The following ERBB4 variants were observed in gnomAD, a reference collection of about 807,000 sequenced individuals.
The protein encoded by ERBB4 is erb-b2 receptor tyrosine kinase 4, also known as receptor tyrosine-protein kinase erbB-4.
In ERBB4, 42 loss-of-function variants were observed where a neutral mutation model predicts 158.0. The ratio of observed to expected loss-of-function variants is 0.27; its 90% CI spans 0.21 to 0.34. The LOEUF (loss-of-function observed/expected upper bound fraction) is 0.34. Among genes scored for constraint, ERBB4 ranks in the 10% least tolerant of loss-of-function variants. The pLI is 1.00. For synonymous variants in ERBB4, 583 were observed against 558.7 expected (o/e 1.04, Z -0.61); for missense variants, 1,333 against 1,624.1 (o/e 0.82, Z 3.08).
chr2:212,373,133 T>G (rs2090145283), intron 1 of ERBB4, among the ~76,000 whole-genome samples: 1 of 152,206 alleles, frequency 6.6e-6, no homozygotes, highest in Non-Finnish European at 1.5e-5. Context: ...ATATCTCAGA[T>G]TCTCTGTAAA....
intron 3 of ERBB4, among the ~76,000 whole-genome samples, chr2:211,902,674 TCTCAAAA>T (rs2079268468): frequency 6.6e-6 from 1 of 151,714 alleles, no homozygotes. Context: ...GTTAATAAAG[TCTCAAAA>T]TTGAGTAATT....
intron 2 of ERBB4, among the ~76,000 whole-genome samples, chr2:212,063,348 TG>T (rs2077838714): frequency 6.6e-6 from 1 of 152,130 alleles, no homozygotes; most frequent in Non-Finnish European, 1.5e-5. Context: ...TAAACTCACC[TG>T]TATGATATTT....
chr2:212,413,681 CA>C (rs1170275971), intron 1 of ERBB4, among the ~76,000 whole-genome samples: 1 of 152,046 alleles, frequency 6.6e-6, no homozygotes, highest in Admixed American at 6.6e-5. Context: ...AATCATTATT[CA>C]GTTCATGTTT....
rs558131935 is a variant in ERBB4 at position 212,133,397 on chromosome 2, T to G, written c.83-8494A>C. ...GTTCTGCTTTCTTTTCATTTTGGTGTTTTTTTTTTGTTTTGTTTTGTTTTT... is the reference window on the plus strand; with the variant it reads ...GTTCTGCTTTCTTTTCATTTTGGTGGTTTTTTTTTGTTTTGTTTTGTTTTT... On this transcript the variant is annotated intron_variant, in intron 1 of 27. Coordinates refer to ENST00000342788, the MANE Select transcript of ERBB4 (RefSeq NM_005235.3). 9.9e-4 allele frequency among the ~76,000 whole-genome samples: 53 copies of G among 53,464 alleles called. 1 individual carries two copies. The South Asian group carries it at 0.019, about 19-fold the overall frequency. 35.1% of individuals were successfully genotyped at this position (53,464 alleles called of 152,430 possible). A position where few individuals can be genotyped will look rare whatever the true frequency, so the allele number is the denominator to read the frequency against.
At chr2:211,459,304 G>T (rs950178314) in intron 20 of ERBB4, among the ~76,000 whole-genome samples, 1 of 152,166 alleles carries the variant, frequency 6.6e-6, no homozygotes, top group African/African-American at 2.4e-5. Flanking sequence ...CTTCTATGGG[G>T]ACACTTTCTC....
At chr2:211,559,277 G>A (rs531712551) in intron 20 of ERBB4, among the ~76,000 whole-genome samples, 7 of 151,846 alleles carry the variant, frequency 4.6e-5, no homozygotes, top group East Asian at 3.9e-4. Flanking sequence ...TTCTTATATC[G>A]CCTCAATCTA....
At chr2:211,413,074 T>C (rs1016749109) in intron 25 of ERBB4, among the ~76,000 whole-genome samples, 1 of 151,880 alleles carries the variant, frequency 6.6e-6, no homozygotes, top group African/African-American at 2.4e-5. Flanking sequence ...GGAGGGAGGA[T>C]TGCTTGAGGC....
At chr2:211,921,446 A>G (rs914390346) in intron 3 of ERBB4, among the ~76,000 whole-genome samples, 11 of 152,050 alleles carry the variant, frequency 7.2e-5, no homozygotes, top group Non-Finnish European at 1.5e-4. Flanking sequence ...AACAAAGCCA[A>G]AGATTACTCA....
intron 2 of ERBB4, among the ~76,000 whole-genome samples, chr2:212,076,236 T>G (rs1350327801): frequency 1.3e-5 from 2 of 151,880 alleles, no homozygotes; most frequent in African/African-American, 4.8e-5. Context: ...TTTAAAATAT[T>G]CTATATTTCG....
At chr2:211,434,388 T>C (rs1225046504) in intron 20 of ERBB4, among the ~76,000 whole-genome samples, 4 of 152,140 alleles carry the variant, frequency 2.6e-5, no homozygotes. Flanking sequence ...ATTAGCAAAC[T>C]TATAAAGAGA....
At chr2:211,881,965 A>G (rs1488597026) in intron 3 of ERBB4, among the ~76,000 whole-genome samples, 1 of 152,172 alleles carries the variant, frequency 6.6e-6, no homozygotes, top group Non-Finnish European at 1.5e-5. Context: ...GACCAAAGAA[A>G]GATAACATCG....
At chr2:212,343,782 T>G (rs1024437845) in intron 1 of ERBB4, among the ~76,000 whole-genome samples, 1 of 152,186 alleles carries the variant, frequency 6.6e-6, no homozygotes, top group East Asian at 1.9e-4. Context: ...ATTTCACTGG[T>G]TGACTAGGTT....
At chr2:211,761,966 G>A (rs2075427276) in intron 4 of ERBB4, among the ~76,000 whole-genome samples, 1 of 152,172 alleles carries the variant, frequency 6.6e-6, no homozygotes, top group Non-Finnish European at 1.5e-5. Context: ...TTACCTAAGA[G>A]TTGACTTTCT....
At chr2:212,126,313 AGCTGGGC>A (rs1474941480) in intron 1 of ERBB4, among the ~76,000 whole-genome samples, 1 of 152,150 alleles carries the variant, frequency 6.6e-6, no homozygotes, top group Admixed American at 6.5e-5. Context: ...TACAAAAATT[AGCTGGGC>A]GTGGTAGCTC....
chr2:212,287,674 AT>A (rs1358678455), intron 1 of ERBB4, among the ~76,000 whole-genome samples: 1 of 152,168 alleles, frequency 6.6e-6, no homozygotes, highest in Admixed American at 6.5e-5. Context: ...ATGAAAAAAA[AT>A]AACTGCTTTG....
At chr2:212,505,775 G>A (rs1691161848) in intron 1 of ERBB4, among the ~76,000 whole-genome samples, 1 of 148,922 alleles carries the variant, frequency 6.7e-6, no homozygotes, top group South Asian at 2.1e-4. Flanking sequence ...TATCTTGCTT[G>A]CTGCAACATG....
rs1454234045 is a variant in ERBB4 at position 211,383,238 on chromosome 2, G to A, written c.*377C>T. The A allele has an allele frequency of 7.2e-6, 2 of 278,886 alleles. No individual in the cohort carries two copies. The highest frequency in any genetic ancestry group is 1.1e-4 in the Admixed American group (2 of 18,972). The allele number at this position is 278,886 out of a possible 1,614,324, so 17.3% of individuals were successfully genotyped here. On this transcript the variant is annotated 3_prime_UTR_variant, in exon 28 of 28. Transcript: ENST00000342788. ...GATAGCATGGGTGTTTCAACCATCT[G>A]CTTTAAAAAAAAAAAAAAAAAAGAA... is the stretch of plus-strand genomic sequence containing the variant.
At chr2:211,526,086 G>A (rs758924310) in intron 20 of ERBB4, among the ~76,000 whole-genome samples, 5 of 152,050 alleles carry the variant, frequency 3.3e-5, no homozygotes, top group Admixed American at 6.5e-5. Flanking sequence ...TAGAGTCCTA[G>A]GGCCTGGAGC....
intron 1 of ERBB4, among the ~76,000 whole-genome samples, chr2:212,350,622 G>A (rs1403729928): frequency 6.6e-6 from 1 of 152,022 alleles, no homozygotes; most frequent in African/African-American, 2.4e-5. Context: ...ATTGTAAAGC[G>A]ATATTAAGTC....
Sources: allele counts gnomAD v4.1 joint callset (sites outside exome capture counted in the v4.1 genomes callset), GRCh38; gene constraint gnomAD v4.1.1; transcripts MANE v1.5; gene names NCBI Gene and HGNC (gene_info 2026-07-23, HGNC 2026-07-21).